Variants in TET3 observed in about 807,000 individuals in gnomAD.
TET3 encodes tet methylcytosine dioxygenase 3.
Under a neutral mutation model 141.4 loss-of-function variants are expected in TET3, and 19 were observed. The observed-to-expected ratio is 0.13, with a 90% CI of 0.09 to 0.20. TET3 has a LOEUF of 0.20. Among genes scored for constraint, TET3 ranks in the 10% least tolerant of loss-of-function variants. The pLI is 1.00. For missense variants in TET3, 1,874 were observed against 2,356.9 expected (o/e 0.80, Z 4.24); for synonymous variants, 1,043 against 980.9 (o/e 1.06, Z -1.18).
At chr2:74,109,778 A>G (rs375058654), downstream of TET3, among the ~76,000 whole-genome samples, 20 of 152,284 alleles carry the variant, frequency 1.3e-4, no homozygotes, top group African/African-American at 4.6e-4. Context: ...TCTAGAAATG[A>G]GCAATTTGTT....
Position 74,048,424 on chromosome 2 carries a change from G to C in TET3, c.2494+13G>C. 6.3e-7 allele frequency: 1 copy of C among 1,593,350 alleles called. No individual in the cohort carries two copies. The highest frequency in any genetic ancestry group is 1.1e-5 in the South Asian group (1 of 88,878). On this transcript the variant is annotated intron_variant, in intron 4 of 11. Transcript: ENST00000409262. ...TGCGATTGCGTCGGTAAGTCCGCCT[G>C]GGTATCAGGGAAGGGCAGAGAAAGG...
intron 6 of TET3, among the ~76,000 whole-genome samples, chr2:74,086,900 C>T (rs538780318): frequency 6.6e-6 from 1 of 151,726 alleles, no homozygotes; most frequent in Admixed American, 6.6e-5. Flanking sequence ...GTTGTACAAG[C>T]ATCAACCTAG....
intron 3 of TET3, among the ~76,000 whole-genome samples, chr2:74,037,259 C>T (rs1012803374): frequency 6.6e-6 from 1 of 152,236 alleles, no homozygotes; most frequent in East Asian, 1.9e-4. Flanking sequence ...AATAAATCTT[C>T]CGAAGGGAGA....
chr2:74,002,691 C>G (rs1465841971), intron 2 of TET3: 3 of 425,718 alleles, frequency 7.0e-6, no homozygotes, highest in Non-Finnish European at 1.2e-5. Context: ...GGGAGGGGAG[C>G]GCAGCCGGCA....
chr2:73,988,062 C>T (rs919295963), intron 2 of TET3, among the ~76,000 whole-genome samples: 1 of 152,212 alleles, frequency 6.6e-6, no homozygotes, highest in Non-Finnish European at 1.5e-5. Flanking sequence ...GGCCCTGTTT[C>T]CCTTGTTTCT....
At chr2:74,067,639 A>C (rs898052095) in intron 4 of TET3, among the ~76,000 whole-genome samples, 1 of 152,260 alleles carries the variant, frequency 6.6e-6, no homozygotes, top group Admixed American at 6.5e-5. Context: ...AAACACCCTG[A>C]GAAAGTTCAA....
At chr2:74,124,321 C>T in the TET3 span, among the ~76,000 whole-genome samples, 507 of 150,184 alleles carry the variant, frequency 3.4e-3, no homozygotes, top group African/African-American at 0.012. Flanking sequence ...GGGGGGTCAG[C>T]CCCTGCCCGG....
At chr2:74,125,013 CTT>C in the TET3 span, among the ~76,000 whole-genome samples, 4 of 138,396 alleles carry the variant, frequency 2.9e-5, no homozygotes, top group South Asian at 2.3e-4. Flanking sequence ...AATTTTTTTT[CTT>C]TTTTTTTTTG....
chr2:74,098,594 C>CTT (rs201277726), intron 10 of TET3, among the ~76,000 whole-genome samples: 32 of 130,590 alleles, frequency 2.5e-4, no homozygotes, highest in African/African-American at 1.0e-3. Context: ...AAAAAGGAAA[C>CTT]TCTTTTTTTT....
rs751524927 is a variant in TET3 at position 74,048,279 on chromosome 2, G to A, written c.2362G>A (p.Glu788Lys). The A allele has an allele frequency of 6.2e-7, 1 of 1,613,874 alleles. No individual in the cohort carries two copies. The highest frequency in any genetic ancestry group is 1.3e-5 in the African/African-American group (1 of 75,022). Reference protein sequence around the residue: ...GGQEATPTKAENPLTPTLSGF... With the variant: ...GGQEATPTKAKNPLTPTLSGF... ...ACAGGAGGCCACACCCACCAAGGCT[G>A]AGAACCCACTCACACCCACCCTCAG... The change falls in exon 4 of 12, where the codon GAG becomes AAG. Residue 788 changes from glutamate (E) to lysine (K), a missense_variant. Coordinates refer to ENST00000409262, the MANE Select transcript of TET3 (RefSeq NM_001287491.2).
At chr2:74,132,293 C>G in the TET3 span, among the ~76,000 whole-genome samples, 32,097 of 151,946 alleles carry the variant, frequency 0.21, 3,730 homozygotes, top group East Asian at 0.39. Flanking sequence ...CTGGGAACTC[C>G]AAAAGAAAGT....
rs536113697 is a variant in TET3, at chr2:74,001,604, C to T, written c.304-1506C>T. ...GAAGTCGCTTCCTGGGAGGTAGAAG[C>T]TCTGGGGTGCTCAGCTACAGGGAGG... On this transcript the variant is annotated intron_variant, in intron 2 of 11. Coordinates refer to ENST00000409262, the MANE Select transcript of TET3 (RefSeq NM_001287491.2). Among the ~76,000 whole-genome samples the T allele has an allele frequency of 2.0e-5, 3 of 152,232 alleles. No individual in the cohort carries two copies. In the South Asian group the frequency reaches 6.2e-4, roughly 31 times the overall value.
intron 4 of TET3, among the ~76,000 whole-genome samples, chr2:74,052,437 A>G (rs938639021): frequency 1.3e-5 from 2 of 152,088 alleles, no homozygotes; most frequent in Non-Finnish European, 2.9e-5. Flanking sequence ...GTTATAGGTT[A>G]ATATAAGGAA....
chr2:74,091,783 C>G (rs142211977), intron 8 of TET3, among the ~76,000 whole-genome samples: 149 of 152,346 alleles, frequency 9.8e-4, no homozygotes, highest in Non-Finnish European at 1.6e-3. Flanking sequence ...GTCCTAGGAG[C>G]CCTTCAAGCC....
At chr2:74,061,422 A>C (rs1415029273) in intron 4 of TET3, among the ~76,000 whole-genome samples, 5 of 99,010 alleles carry the variant, frequency 5.0e-5, no homozygotes, top group South Asian at 3.7e-4. Context: ...CGGGGGGCTG[A>C]CCCCCCCACC....
Position 74,047,549 on chromosome 2 carries a change from C to T in TET3, c.1632C>T (p.His544=), listed in dbSNP as rs374706772. The change falls in exon 4 of 12, where the codon CAC becomes CAT. Residue 544 remains histidine, a synonymous_variant. Transcript: ENST00000409262. The part of the protein sequence containing the change: ...HKRSLFLEQV[H]DTSFPAPSEP... Reference sequence around the variant, plus strand: ...GCAGCCTCTTCCTAGAACAGGTGCACGACACCTCCTTCCCTGCTCCTTCAG... The same window carrying T: ...GCAGCCTCTTCCTAGAACAGGTGCATGACACCTCCTTCCCTGCTCCTTCAG... 19 of 1,613,654 alleles carry T rather than the reference C, an allele frequency of 1.2e-5. 1 individual carries two copies. The highest frequency in any genetic ancestry group is 6.6e-5 in the South Asian group (6 of 91,086).
chr2:74,035,476 A>G (rs1686999738), intron 3 of TET3, among the ~76,000 whole-genome samples: 1 of 147,476 alleles, frequency 6.8e-6, no homozygotes, highest in South Asian at 2.2e-4. Flanking sequence ...AAAGAAAAAA[A>G]AAAATGTAGT....
intron 5 of TET3, among the ~76,000 whole-genome samples, chr2:74,076,728 G>A (rs1216264131): frequency 6.6e-6 from 1 of 151,926 alleles, no homozygotes; most frequent in African/African-American, 2.4e-5. Context: ...AATCCCCTGG[G>A]TAGGGGTCTA....
intron 3 of TET3, among the ~76,000 whole-genome samples, chr2:74,024,347 A>G (rs984171661): frequency 6.6e-6 from 1 of 152,228 alleles, no homozygotes; most frequent in Non-Finnish European, 1.5e-5. Context: ...TGCACATGAC[A>G]GGGGCTGTCT....
Sources: allele counts gnomAD v4.1 joint callset (sites outside exome capture counted in the v4.1 genomes callset), GRCh38; gene constraint gnomAD v4.1.1; transcripts MANE v1.5; gene names NCBI Gene and HGNC (gene_info 2026-07-23, HGNC 2026-07-21).